Variants in KIRREL3 observed in about 807,000 individuals in gnomAD.
KIRREL3 encodes the protein kin of IRRE-like protein 3.
In KIRREL3, 36 loss-of-function variants were observed where a neutral mutation model predicts 89.7. That is an observed-to-expected ratio of 0.40 (90% CI 0.31 to 0.53). The LOEUF is 0.53. Among genes scored for constraint, KIRREL3 ranks in the 20% least tolerant of loss-of-function variants. The pLI, the probability that KIRREL3 is intolerant of heterozygous loss-of-function variation, is 0.49. For missense variants in KIRREL3, 864 were observed against 1,056.6 expected (o/e 0.82, Z 2.53); for synonymous variants, 445 against 441.4 (o/e 1.01, Z -0.10).
At chr11:126,827,209 G>A (rs1371423117) in intron 1 of KIRREL3, among the ~76,000 whole-genome samples, 1 of 150,628 alleles carries the variant, frequency 6.6e-6, no homozygotes, top group Non-Finnish European at 1.5e-5. Flanking sequence ...ATGGAGTCTC[G>A]CTCTGTTGCC....
chr11:126,817,853 T>G lies in KIRREL3; in HGVS notation c.55+182602A>C, dbSNP rs1951626256. ...CCTGATCTGAAGGCTGAGGGGGTCA[T>G]TATGTGGACCCACTACAACCCACGG... On this transcript the variant is annotated intron_variant, in intron 1 of 16. Transcript: ENST00000525144. This position sits in a 1 kb window ranked among gnomAD's most constrained non-coding sequence, Gnocchi z 5.7. 6.6e-6 allele frequency among the ~76,000 whole-genome samples: 1 copy of G among 152,150 alleles called. No homozygotes were observed. The highest frequency in any genetic ancestry group is 2.1e-4 in the South Asian group (1 of 4,826).
intron 1 of KIRREL3, among the ~76,000 whole-genome samples, chr11:126,718,791 T>C (rs2134164476): frequency 6.6e-6 from 1 of 152,268 alleles, no homozygotes; most frequent in East Asian, 1.9e-4. Context: ...GCAGAGCGGC[T>C]AGGGATTAGG....
In KIRREL3 at chr11:126,428,435, C is replaced by T. The variant is rs1263129694; in HGVS notation, c.1806+744G>A. On this transcript the variant is annotated intron_variant, in intron 15 of 16. Transcript: ENST00000525144. The surrounding 1 kb of genome is among the most constrained non-coding windows in gnomAD (Gnocchi z 6.4). ...TGATGAGTTGACTGGCAATCCAGTC[C>T]CCAAGGAGGAACCTGTGTTTCTTGC... is the stretch of plus-strand genomic sequence containing the variant. 6.6e-6 allele frequency among the ~76,000 whole-genome samples: 1 copy of T among 151,960 alleles called. No individual in the cohort carries two copies.
Position 126,486,811 on chromosome 11 carries a change from TGCATTGGTTCACTTCG to T in KIRREL3, c.434-13361_434-13346del, listed in dbSNP as rs1279427015. Among the ~76,000 whole-genome samples the T allele has an allele frequency of 6.6e-6, 1 of 152,230 alleles. No individual in the cohort carries two copies. The highest frequency in any genetic ancestry group is 2.4e-5 in the African/African-American group (1 of 41,446). On this transcript the variant is annotated intron_variant, in intron 4 of 16. Coordinates refer to ENST00000525144, the MANE Select transcript of KIRREL3 (RefSeq NM_032531.4). The surrounding 1 kb of genome is among the most constrained non-coding windows in gnomAD (Gnocchi z 6.2). ...CATAGGCTGTGCTAGCAGGAGGATC[TGCATTGGTTCACTTCG>T]GTAGCTTTAATAGCATCAAGGCAGC...
chr11:126,598,891 A>C (rs1268385842), intron 1 of KIRREL3, among the ~76,000 whole-genome samples: 1 of 152,188 alleles, frequency 6.6e-6, no homozygotes, highest in African/African-American at 2.4e-5. Context: ...GCTTCCTAGA[A>C]TGTTCTCAAC....
chr11:126,631,362 G>A (rs912689902), intron 1 of KIRREL3, among the ~76,000 whole-genome samples: 1 of 152,326 alleles, frequency 6.6e-6, no homozygotes, highest in African/African-American at 2.4e-5. Context: ...GAAGCAGAAC[G>A]TATGGCATTC....
intron 1 of KIRREL3, among the ~76,000 whole-genome samples, chr11:126,907,910 C>G (rs900993851): frequency 6.6e-6 from 1 of 152,160 alleles, no homozygotes; most frequent in Non-Finnish European, 1.5e-5. Flanking sequence ...CTGGAATGCT[C>G]TTCCCCTGGG....
rs369349292 is a variant in KIRREL3, at chr11:126,782,515, C to A, written c.55+217940G>T. On this transcript the variant is annotated intron_variant, in intron 1 of 16. Transcript: ENST00000525144. The surrounding 1 kb of genome is among the most constrained non-coding windows in gnomAD (Gnocchi z 4.1). ...GCAGGGGTGCCACTAGCTGATTTAGCGACTTTTGTATTAATTCAGAAAAGA... is the reference window on the plus strand; with the variant it reads ...GCAGGGGTGCCACTAGCTGATTTAGAGACTTTTGTATTAATTCAGAAAAGA... Among the ~76,000 whole-genome samples, 1 of 152,122 alleles carries A rather than the reference C, an allele frequency of 6.6e-6. No individual in the cohort carries two copies.
chr11:126,636,650 C>T lies in KIRREL3; in HGVS notation c.56-73738G>A, dbSNP rs1298234139. Among the ~76,000 whole-genome samples the T allele has an allele frequency of 1.3e-5, 2 of 152,194 alleles. No individual in the cohort carries two copies. The highest frequency in any genetic ancestry group is 2.9e-5 in the Non-Finnish European group (2 of 68,042). ...ACCCAGCTTACTGCCTGCTCTGCTG[C>T]CAGCACCCTTTCTTGTGTCTTGGTA... On this transcript the variant is annotated intron_variant, in intron 1 of 16. Coordinates refer to ENST00000525144, the MANE Select transcript of KIRREL3 (RefSeq NM_032531.4). This position sits in a 1 kb window ranked among gnomAD's most constrained non-coding sequence, Gnocchi z 4.4.
chr11:126,489,375 C>T lies in KIRREL3; in HGVS notation c.434-15909G>A, dbSNP rs555475442. 2.6e-5 allele frequency among the ~76,000 whole-genome samples: 4 copies of T among 152,268 alleles called. No homozygotes were observed. Among genetic ancestry groups the T allele is most frequent in the Admixed American group, 2.0e-4 (3 of 15,296 alleles). ...TCAATGATGGAAGGGTAAGAAGAGA[C>T]GCCTGCATCAGGTGGGAGTTAGGTG... On this transcript the variant is annotated intron_variant, in intron 4 of 16. Coordinates refer to ENST00000525144, the MANE Select transcript of KIRREL3 (RefSeq NM_032531.4). The surrounding 1 kb of genome is among the most constrained non-coding windows in gnomAD (Gnocchi z 5.5).
intron 1 of KIRREL3, among the ~76,000 whole-genome samples, chr11:126,581,885 G>A (rs1465328666): frequency 6.6e-6 from 1 of 152,158 alleles, no homozygotes; most frequent in African/African-American, 2.4e-5. Flanking sequence ...GGAAGGTGCT[G>A]GAAAGGGGCC....
chr11:126,552,336 C>T (rs1414572057), intron 2 of KIRREL3, among the ~76,000 whole-genome samples: 1 of 152,138 alleles, frequency 6.6e-6, no homozygotes, highest in African/African-American at 2.4e-5. Context: ...GTGGACTATT[C>T]TTACCACCAG....
In KIRREL3 at chr11:126,921,403, CTATCTATCTAT is replaced by C. The variant is rs1565419053; in HGVS notation, c.55+79041_55+79051del. Among the ~76,000 whole-genome samples, 20 of 108,540 alleles carry C rather than the reference CTATCTATCTAT, an allele frequency of 1.8e-4. No homozygotes were observed. In the South Asian group the frequency reaches 2.1e-3, roughly 11 times the overall value. The allele number at this position is 108,540 out of a possible 152,430, so 71.2% of individuals were successfully genotyped here. A position where few individuals can be genotyped will look rare whatever the true frequency, so the allele number is the denominator to read the frequency against. On this transcript the variant is annotated intron_variant, in intron 1 of 16. Transcript: ENST00000525144. The stretch of plus-strand genomic sequence containing the variant: ...CTCATCCTGTCTTGTATCTATCTAT[CTATCTATCTAT>C]CTATCTATCTATCTATCTATCTATC...
chr11:126,664,464 A>G lies in KIRREL3; in HGVS notation c.56-101552T>C, dbSNP rs1189380315. Among the ~76,000 whole-genome samples, 1 of 152,134 alleles carries G rather than the reference A, an allele frequency of 6.6e-6. No homozygotes were observed. Among genetic ancestry groups the G allele is most frequent in the Admixed American group, 6.5e-5 (1 of 15,274 alleles). On this transcript the variant is annotated intron_variant, in intron 1 of 16. Coordinates refer to ENST00000525144, the MANE Select transcript of KIRREL3 (RefSeq NM_032531.4). The surrounding 1 kb of genome is among the most constrained non-coding windows in gnomAD (Gnocchi z 5.4). ...CCTTCCTCCCACCTGCCTACTCTAAATGAAACAGCTCTGTCATACTGGGCT... is the reference window on the plus strand; with the variant it reads ...CCTTCCTCCCACCTGCCTACTCTAAGTGAAACAGCTCTGTCATACTGGGCT...
chr11:126,483,968 A>C (rs972277857), intron 4 of KIRREL3, among the ~76,000 whole-genome samples: 14 of 152,334 alleles, frequency 9.2e-5, no homozygotes, highest in Admixed American at 5.9e-4. Flanking sequence ...CTGCACTGCC[A>C]TAAGACCATG....
At chr11:126,878,819 C>T (rs1945389171) in intron 1 of KIRREL3, among the ~76,000 whole-genome samples, 1 of 152,056 alleles carries the variant, frequency 6.6e-6, no homozygotes, top group African/African-American at 2.4e-5. Context: ...GCTTTTAAGC[C>T]TCCCAACTCA....
intron 4 of KIRREL3, among the ~76,000 whole-genome samples, chr11:126,473,816 G>C (rs559753947): frequency 6.6e-6 from 1 of 151,966 alleles, no homozygotes; most frequent in East Asian, 1.9e-4. Flanking sequence ...TCCTTTTTTC[G>C]AGATGAAGTC....
chr11:126,874,018 C>T (rs142626018), intron 1 of KIRREL3, among the ~76,000 whole-genome samples: 1 of 152,324 alleles, frequency 6.6e-6, no homozygotes, highest in African/African-American at 2.4e-5. Context: ...GTAATGTCCA[C>T]ATCTTTGCAC....
intron 1 of KIRREL3, among the ~76,000 whole-genome samples, chr11:126,777,738 G>A (rs1950210269): frequency 6.6e-6 from 1 of 152,206 alleles, no homozygotes; most frequent in African/African-American, 2.4e-5. Flanking sequence ...TCTTTGAAGA[G>A]GGGCTAAATC....
Sources: allele counts gnomAD v4.1 joint callset (sites outside exome capture counted in the v4.1 genomes callset), GRCh38; gene constraint gnomAD v4.1.1; non-coding constraint Gnocchi (gnomAD v3.1); transcripts MANE v1.5; gene names NCBI Gene and HGNC (gene_info 2026-07-23, HGNC 2026-07-21).